The following SCFD1 variants were observed in gnomAD, a reference collection of about 807,000 sequenced individuals.
The protein encoded by SCFD1 is sec1 family domain containing 1.
SCFD1 carries 37 observed loss-of-function variants against 103.2 expected under a neutral mutation model. That is an observed-to-expected ratio of 0.36 (90% CI 0.28 to 0.47). SCFD1 has a LOEUF of 0.47. SCFD1 is among the 20% of genes least tolerant of loss of function. The probability of loss-of-function intolerance (pLI) is 1.00; values close to 1 mark genes in which losing one functional copy is unlikely to be tolerated. For missense variants in SCFD1, 639 were observed against 761.2 expected (o/e 0.84, Z 1.89); for synonymous variants, 264 against 245.0 (o/e 1.08, Z -0.73).
intron 19 of SCFD1, among the ~76,000 whole-genome samples, chr14:30,709,493 A>C (rs1891713628): frequency 6.6e-6 from 1 of 152,046 alleles, no homozygotes; most frequent in Admixed American, 6.6e-5. Flanking sequence ...TCAGCCTCTC[A>C]AGTGCTGGGA....
chr14:30,718,439 AC>A (rs1402684840), intron 20 of SCFD1, among the ~76,000 whole-genome samples: 1 of 152,136 alleles, frequency 6.6e-6, no homozygotes, highest in Non-Finnish European at 1.5e-5. Flanking sequence ...ATATTTTTTT[AC>A]TTAACTAGGA....
At chr14:30,726,141 C>T (rs1020715930) in intron 23 of SCFD1, among the ~76,000 whole-genome samples, 2 of 152,050 alleles carry the variant, frequency 1.3e-5, no homozygotes, top group African/African-American at 4.8e-5. Context: ...AACAGAAAAA[C>T]AAGAAGATAA....
chr14:30,727,040 G>A (rs76060385), intron 23 of SCFD1, among the ~76,000 whole-genome samples: 1,899 of 152,208 alleles, frequency 0.012, 43 homozygotes, highest in African/African-American at 0.044. Context: ...TCAGTTCCCC[G>A]AGACAGTGTC....
intron 20 of SCFD1, among the ~76,000 whole-genome samples, chr14:30,716,750 T>C (rs1892305603): frequency 6.6e-6 from 1 of 152,192 alleles, no homozygotes; most frequent in Non-Finnish European, 1.5e-5. Context: ...CAGATGAGTG[T>C]CACCTTTTTT....
chr14:30,720,872 C>T lies in SCFD1; in HGVS notation c.1737-1012C>T, dbSNP rs544296319. 1.2e-4 allele frequency among the ~76,000 whole-genome samples: 19 copies of T among 152,156 alleles called. No individual in the cohort carries two copies. The South Asian group carries it at 3.9e-3, about 32-fold the overall frequency. ...TATCAAGGGAGACTATACTTGGCTTCTTGGAAATTTACTGAGAAATATTTA... is the reference window on the plus strand; with the variant it reads ...TATCAAGGGAGACTATACTTGGCTTTTTGGAAATTTACTGAGAAATATTTA... On this transcript the variant is annotated intron_variant, in intron 21 of 24. Transcript: ENST00000458591.
intron 15 of SCFD1, among the ~76,000 whole-genome samples, chr14:30,699,717 G>A (rs529933463): frequency 1.3e-5 from 2 of 152,170 alleles, no homozygotes; most frequent in Non-Finnish European, 2.9e-5. Flanking sequence ...TCAGCTAGAT[G>A]ATTTTGTTTA....
rs768183993 is a variant in SCFD1 at position 30,628,190 on chromosome 14, T to C, written c.62-19T>C. 6.3e-7 allele frequency: 1 copy of C among 1,582,658 alleles called. No homozygotes were observed. Among genetic ancestry groups the C allele is most frequent in the Non-Finnish European group, 8.6e-7 (1 of 1,158,438 alleles). On this transcript the variant is annotated intron_variant, in intron 1 of 24. Transcript: ENST00000458591. ...CCTAAAAAACAATGACAATATTTGA[T>C]AAAACTTTTTATTTTCAGTGGCTTT...
At chr14:30,720,055 C>T (rs911381846) in intron 21 of SCFD1, among the ~76,000 whole-genome samples, 1 of 152,090 alleles carries the variant, frequency 6.6e-6, no homozygotes, top group Non-Finnish European at 1.5e-5. Context: ...GTTGCCTGTT[C>T]CTTATGTTTG....
At chr14:30,731,946 A>C (rs1304571579) in intron 23 of SCFD1, among the ~76,000 whole-genome samples, 1 of 152,170 alleles carries the variant, frequency 6.6e-6, no homozygotes, top group Admixed American at 6.5e-5. Flanking sequence ...TTCAAAGGGA[A>C]TGCTTCCAGT....
intron 10 of SCFD1, among the ~76,000 whole-genome samples, chr14:30,663,133 T>C: frequency 6.6e-6 from 1 of 152,182 alleles, no homozygotes; most frequent in East Asian, 1.9e-4. Flanking sequence ...CTTCTCAGAA[T>C]TCTTAACATC....
chr14:30,690,955 T>C lies in SCFD1; in HGVS notation c.1243-3818T>C, dbSNP rs369776294. On this transcript the variant is annotated intron_variant, in intron 14 of 24. Transcript: ENST00000458591. The stretch of plus-strand genomic sequence containing the variant: ...TTTATGTCACTCTTATTACCCAAAC[T>C]GTATTCTCTTTTGAGCCCATGTTGT... Among the ~76,000 whole-genome samples, 4 of 152,384 alleles carry C rather than the reference T, an allele frequency of 2.6e-5. No individual in the cohort carries two copies. In the East Asian group the frequency reaches 5.8e-4, roughly 22 times the overall value.
intron 6 of SCFD1, among the ~76,000 whole-genome samples, chr14:30,640,353 T>C (rs986191045): frequency 2.0e-5 from 3 of 152,216 alleles, no homozygotes; most frequent in African/African-American, 4.8e-5. Context: ...ATTTGCTCAA[T>C]TGTTCATGTG....
In SCFD1 at chr14:30,722,043, T is replaced by C. The variant is rs1367651059; in HGVS notation, c.1770+126T>C. On this transcript the variant is annotated intron_variant, in intron 22 of 24. Coordinates refer to ENST00000458591, the MANE Select transcript of SCFD1 (RefSeq NM_016106.4). The stretch of plus-strand genomic sequence containing the variant: ...GTATGATAATTTGGCCTAGCAATTA[T>C]ATTTTTCTAATTTATAAAGCTGCTT... 9.6e-6 allele frequency: 6 copies of C among 627,196 alleles called. No homozygotes were observed. The Admixed American group carries it at 1.6e-4, about 17-fold the overall frequency. 38.9% of individuals were successfully genotyped at this position (627,196 alleles called of 1,614,324 possible). A position where few individuals can be genotyped will look rare whatever the true frequency, so the allele number is the denominator to read the frequency against.
intron 15 of SCFD1, among the ~76,000 whole-genome samples, chr14:30,698,894 TGA>T (rs1566641144): frequency 6.6e-6 from 1 of 152,106 alleles, no homozygotes; most frequent in South Asian, 2.1e-4. Context: ...TTTCAAAGAC[TGA>T]GAGGGGAAGA....
chr14:30,670,284 A>G lies in SCFD1; in HGVS notation c.884A>G (p.Glu295Gly). The change falls in exon 11 of 25, where the codon GAA becomes GGA. Residue 295 changes from glutamate (E) to glycine (G), a missense_variant. Glu to Gly is a moderately conservative substitution (Grantham distance 98). Coordinates refer to ENST00000458591, the MANE Select transcript of SCFD1 (RefSeq NM_016106.4). Reference sequence around the variant, plus strand: ...TTCCATTTAAACAGGGTTAATTTGGAAGAATCTTCAGGAGTGGAAAACTCT... The same window carrying G: ...TTCCATTTAAACAGGGTTAATTTGGGAGAATCTTCAGGAGTGGAAAACTCT... ...LDFHLNRVNL[E>G]ESSGVENSPA... The G allele has an allele frequency of 6.3e-7, 1 of 1,592,286 alleles. No homozygotes were observed. The highest frequency in any genetic ancestry group is 8.5e-7 in the Non-Finnish European group (1 of 1,172,438).
intron 7 of SCFD1, among the ~76,000 whole-genome samples, chr14:30,649,271 G>A (rs911968099): frequency 4.6e-5 from 7 of 152,058 alleles, no homozygotes; most frequent in South Asian, 2.1e-4. Context: ...TTCACTGTTC[G>A]GGTGATGGGT....
At chr14:30,684,494 T>C (rs964824588) in intron 14 of SCFD1, among the ~76,000 whole-genome samples, 1 of 152,170 alleles carries the variant, frequency 6.6e-6, no homozygotes, top group Non-Finnish European at 1.5e-5. Context: ...TAATATAAAT[T>C]GAGGCAGTGT....
intron 10 of SCFD1, among the ~76,000 whole-genome samples, chr14:30,656,800 A>G (rs766550279): frequency 2.0e-5 from 3 of 152,238 alleles, no homozygotes; most frequent in Non-Finnish European, 4.4e-5. Context: ...TTGGAGTTCA[A>G]TTAGAGCAAG....
intron 23 of SCFD1, among the ~76,000 whole-genome samples, chr14:30,728,753 A>G (rs1434414104): frequency 1.3e-5 from 2 of 151,478 alleles, no homozygotes; most frequent in Non-Finnish European, 2.9e-5. Context: ...TATTTTCCTG[A>G]TGACTTACGA....
Sources: allele counts gnomAD v4.1 joint callset (sites outside exome capture counted in the v4.1 genomes callset), GRCh38; gene constraint gnomAD v4.1.1; transcripts MANE v1.5; gene names NCBI Gene and HGNC (gene_info 2026-07-23, HGNC 2026-07-21).